Variants in HERC3 observed in about 807,000 individuals in gnomAD.
HERC3 encodes HECT and RLD domain containing E3 ubiquitin protein ligase 3.
In HERC3, 58 loss-of-function variants were observed where a neutral mutation model predicts 129.9. The ratio of observed to expected loss-of-function variants is 0.45; its 90% CI spans 0.36 to 0.56. The LOEUF is 0.56. Among genes scored for constraint, HERC3 ranks in the 20% least tolerant of loss-of-function variants. The pLI is 0.00. For synonymous variants in HERC3, 430 were observed against 451.0 expected (o/e 0.95, Z 0.59); for missense variants, 835 against 1,244.2 (o/e 0.67, Z 4.95).
At chr4:88,578,715 T>C in the HERC3 span, among the ~76,000 whole-genome samples, 1 of 152,164 alleles carries the variant, frequency 6.6e-6, no homozygotes. Flanking sequence ...GTATCTTAAA[T>C]GCTTTGTTAT....
chr4:88,693,562 G>T (rs892551686), intron 23 of HERC3: 2 of 946,660 alleles, frequency 2.1e-6, no homozygotes, highest in Admixed American at 6.2e-5. Flanking sequence ...GAAGGTGGTG[G>T]TTGCACAGCA....
At chr4:88,539,608 C>G in the HERC3 span, among the ~76,000 whole-genome samples, 1 of 152,214 alleles carries the variant, frequency 6.6e-6, no homozygotes, top group Non-Finnish European at 1.5e-5. Context: ...AGACTGCCTC[C>G]TCAAGTGGGT....
the HERC3 span, among the ~76,000 whole-genome samples, chr4:88,585,360 A>C: frequency 6.6e-6 from 1 of 152,208 alleles, no homozygotes; most frequent in Non-Finnish European, 1.5e-5. Flanking sequence ...TCCTATATAA[A>C]GCATGGGGCA....
intron 23 of HERC3, among the ~76,000 whole-genome samples, chr4:88,700,763 A>G (rs984072601): frequency 6.6e-6 from 1 of 152,206 alleles, no homozygotes; most frequent in Non-Finnish European, 1.5e-5. Context: ...GGGGGCTGTC[A>G]AACCCGAAAT....
chr4:88,676,640 G>A (rs1159006836), intron 18 of HERC3, among the ~76,000 whole-genome samples: 1 of 151,726 alleles, frequency 6.6e-6, no homozygotes. Context: ...GGATGACTTA[G>A]TAAATGTTTT....
the HERC3 span, among the ~76,000 whole-genome samples, chr4:88,559,768 A>G: frequency 1.3e-5 from 2 of 152,142 alleles, no homozygotes; most frequent in African/African-American, 2.4e-5. Context: ...ATGTCTTTAC[A>G]GGGTGATAAT....
the HERC3 span, among the ~76,000 whole-genome samples, chr4:88,526,996 C>T: frequency 2.6e-5 from 4 of 151,956 alleles, no homozygotes. Context: ...AAAAAATTAT[C>T]CTCAATAGTA....
At chr4:88,583,252 ATGG>A in the HERC3 span, among the ~76,000 whole-genome samples, 1 of 151,814 alleles carries the variant, frequency 6.6e-6, no homozygotes, top group Admixed American at 6.6e-5. Flanking sequence ...CCTGGCCAAA[ATGG>A]TAAAACCCTG....
Position 88,649,859 on chromosome 4 carries a change from A to C in HERC3, c.246A>C (p.Ala82=). The C allele has an allele frequency of 6.2e-7, 1 of 1,613,922 alleles. No individual in the cohort carries two copies. Among genetic ancestry groups the C allele is most frequent in the East Asian group, 2.2e-5 (1 of 44,876 alleles). The change falls in exon 4 of 26, where the codon GCA becomes GCC. Residue 82 remains alanine (A), a synonymous_variant. Transcript: ENST00000402738. The stretch of plus-strand genomic sequence containing the variant: ...TTTCAGAACAAATTGGAGCTCTGGC[A>C]GATCAGCATATCATTCATGTGGCAT... ...GNKPEQIGAL[A]DQHIIHVACG...
chr4:88,533,067 C>T, the HERC3 span, among the ~76,000 whole-genome samples: 52 of 152,314 alleles, frequency 3.4e-4, no homozygotes, highest in Middle Eastern at 3.4e-3. Context: ...AAGCCGACAG[C>T]GCAGCCTTCA....
chr4:88,676,980 C>A (rs1412260346), intron 18 of HERC3, among the ~76,000 whole-genome samples: 1 of 152,004 alleles, frequency 6.6e-6, no homozygotes, highest in Non-Finnish European at 1.5e-5. Flanking sequence ...TCTCTAAATA[C>A]AAAACTTAGT....
intron 23 of HERC3, chr4:88,697,239 G>C: frequency 1.3e-6 from 2 of 1,533,022 alleles, no homozygotes; most frequent in Non-Finnish European, 8.7e-7. Context: ...TCTCGGCGTG[G>C]GCATCGTCAT....
At chr4:88,561,332 C>T in the HERC3 span, among the ~76,000 whole-genome samples, 1 of 151,674 alleles carries the variant, frequency 6.6e-6, no homozygotes, top group African/African-American at 2.4e-5. Context: ...TAATTTCTAC[C>T]CTAGAATTTT....
At chr4:88,549,378 G>A in the HERC3 span, among the ~76,000 whole-genome samples, 1 of 151,386 alleles carries the variant, frequency 6.6e-6, no homozygotes, top group Non-Finnish European at 1.5e-5. Context: ...GCTCATGGGT[G>A]TATTGCATAA....
intron 3 of HERC3, among the ~76,000 whole-genome samples, chr4:88,640,122 G>A (rs1025148696): frequency 6.6e-6 from 1 of 152,166 alleles, no homozygotes; most frequent in Non-Finnish European, 1.5e-5. Flanking sequence ...CTTTTACACT[G>A]TTGGTGGGAG....
chr4:88,623,444 T>C (rs573057712), intron 3 of HERC3, among the ~76,000 whole-genome samples: 5 of 152,330 alleles, frequency 3.3e-5, no homozygotes, highest in East Asian at 1.9e-4. Context: ...TCATCTGTTA[T>C]AGCCTTTGAG....
At chr4:88,621,831 C>T (rs2924359) in intron 3 of HERC3, among the ~76,000 whole-genome samples, 7,734 of 152,222 alleles carry the variant, frequency 0.051, 520 homozygotes, top group East Asian at 0.27. Context: ...TATAAAGTTT[C>T]TTTTATAACC....
Position 88,690,122 on chromosome 4 carries a change from C to G in HERC3, c.2657+2823C>G, listed in dbSNP as rs1056481007. 12 of 985,164 alleles carry G rather than the reference C, an allele frequency of 1.2e-5. No individual in the cohort carries two copies. The South Asian group carries it at 3.8e-4, about 31-fold the overall frequency. 61.0% of individuals were successfully genotyped at this position (985,164 alleles called of 1,614,324 possible). On this transcript the variant is annotated intron_variant, in intron 23 of 25. Coordinates refer to ENST00000402738, the MANE Select transcript of HERC3 (RefSeq NM_014606.3). ...CCTAATATAGAGGCTAGTCTTGATT[C>G]AAGTAAGAATGTTGCAATCAAAACC...
chr4:88,655,098 A>C, intron 7 of HERC3, 76 bp from the exon 8 acceptor site: 1 of 1,472,832 alleles, frequency 6.8e-7, no homozygotes, highest in South Asian at 1.3e-5. Flanking sequence ...TTGTTGTGAT[A>C]GGCATTTTGT....
Sources: allele counts gnomAD v4.1 joint callset (sites outside exome capture counted in the v4.1 genomes callset), GRCh38; gene constraint gnomAD v4.1.1; transcripts MANE v1.5; gene names NCBI Gene and HGNC (gene_info 2026-07-23, HGNC 2026-07-21).